Variants in NCKAP1 observed in about 807,000 individuals in gnomAD.
NCKAP1 encodes nck-associated protein 1.
A neutral mutation model predicts 151.2 loss-of-function variants in NCKAP1; 21 were observed. The observed-to-expected ratio is 0.14, with a 90% CI of 0.10 to 0.20. The LOEUF (loss-of-function observed/expected upper bound fraction) is 0.20. Among genes scored for constraint, NCKAP1 ranks in the 10% least tolerant of loss-of-function variants. NCKAP1 has a pLI of 1.00. For missense variants in NCKAP1, 933 were observed against 1,352.1 expected, an observed-to-expected ratio of 0.69 and a Z score of 4.86; for synonymous variants, 484 against 451.8, an observed-to-expected ratio of 1.07 and a Z score of -0.90.
intron 14 of NCKAP1, among the ~76,000 whole-genome samples, 166 bp downstream of exon 14, chr2:182,978,668 G>A (rs955456211): frequency 6.6e-6 from 1 of 151,788 alleles, no homozygotes; most frequent in African/African-American, 2.4e-5. Context: ...TATTATTTTT[G>A]TAAATAGCAT....
intron 20 of NCKAP1, among the ~76,000 whole-genome samples, chr2:182,953,986 C>A (rs1020983599): frequency 2.0e-5 from 3 of 152,124 alleles, no homozygotes; most frequent in Admixed American, 6.5e-5. Flanking sequence ...TTATTTGACA[C>A]TGTTAGGTGC....
intron 16 of NCKAP1, among the ~76,000 whole-genome samples, chr2:182,965,272 A>G (rs1697544296): frequency 2.5e-4 from 1 of 3,926 alleles, no homozygotes; most frequent in African/African-American, 9.7e-4. Flanking sequence ...TTTATGAACC[A>G]CTAAGAAAAA....
chr2:182,935,570 T>C, intron 24 of NCKAP1, 195 bp from the exon 25 acceptor site: 1 of 419,754 alleles, frequency 2.4e-6, no homozygotes, highest in East Asian at 4.1e-5. Context: ...GGTTAAACTT[T>C]TAAGTAACTA....
chr2:182,943,917 C>T (rs982286495), intron 23 of NCKAP1, among the ~76,000 whole-genome samples: 2 of 152,108 alleles, frequency 1.3e-5, no homozygotes, highest in Middle Eastern at 3.2e-3. Flanking sequence ...CTTTAAAATC[C>T]ATGTTCTTAA....
intron 15 of NCKAP1, among the ~76,000 whole-genome samples, chr2:182,969,061 C>T (rs1050212525): frequency 2.6e-5 from 4 of 152,200 alleles, no homozygotes; most frequent in African/African-American, 9.7e-5. Flanking sequence ...CATTTATCAG[C>T]TTTAGAGTAT....
At chr2:183,007,330 T>C (rs1698496018) in intron 2 of NCKAP1, among the ~76,000 whole-genome samples, 1 of 152,202 alleles carries the variant, frequency 6.6e-6, no homozygotes, top group African/African-American at 2.4e-5. Context: ...AGGATAAATA[T>C]CAGGCATGCT....
intron 1 of NCKAP1, among the ~76,000 whole-genome samples, chr2:183,033,928 T>C (rs895811443): frequency 1.3e-5 from 2 of 152,166 alleles, no homozygotes; most frequent in Non-Finnish European, 2.9e-5. Context: ...CTGGTAATCA[T>C]TAAAAAATTT....
intron 1 of NCKAP1, 102 bp from the exon 2 acceptor site, chr2:183,024,018 G>T: frequency 3.4e-6 from 3 of 889,470 alleles, no homozygotes; most frequent in Non-Finnish European, 5.3e-6. Context: ...TATTGTTTTT[G>T]GTGAGCAGGT....
intron 1 of NCKAP1, among the ~76,000 whole-genome samples, chr2:183,031,392 T>A (rs1432265055): frequency 6.6e-6 from 1 of 152,204 alleles, no homozygotes; most frequent in African/African-American, 2.4e-5. Flanking sequence ...GTATATATAT[T>A]GTCATACCTT....
At chr2:183,034,377 T>C (rs1699062616) in intron 1 of NCKAP1, among the ~76,000 whole-genome samples, 1 of 98,190 alleles carries the variant, frequency 1.0e-5, no homozygotes, top group Non-Finnish European at 2.5e-5. Context: ...GTAATAGTTG[T>C]ATGGGTTTTT....
At chr2:183,003,145 T>C (rs901841984) in intron 3 of NCKAP1, 88 bp downstream of exon 3, 12 of 1,256,486 alleles carry the variant, frequency 9.6e-6, no homozygotes, top group African/African-American at 3.1e-5. Flanking sequence ...TCAATTTTAT[T>C]ATTTACAACT....
intron 18 of NCKAP1, among the ~76,000 whole-genome samples, chr2:182,960,420 T>C (rs1366305866): frequency 6.6e-6 from 1 of 152,042 alleles, no homozygotes. Flanking sequence ...CCCTCAGAAA[T>C]AATGCCGCAT....
At chr2:182,975,054 C>A (rs912003773) in intron 15 of NCKAP1, among the ~76,000 whole-genome samples, 2 of 152,154 alleles carry the variant, frequency 1.3e-5, no homozygotes, top group African/African-American at 4.8e-5. Context: ...GGTTTAGGCA[C>A]TCCTATAAAC....
At chr2:182,990,906 A>T (rs1698155993) in intron 8 of NCKAP1, among the ~76,000 whole-genome samples, 1 of 152,170 alleles carries the variant, frequency 6.6e-6, no homozygotes, top group Admixed American at 6.5e-5. Context: ...ACTATACAAA[A>T]ATATTTTTCA....
In NCKAP1 at chr2:182,982,877, C is replaced by A; in HGVS notation, c.1152G>T (p.Trp384Cys). Reference sequence around the variant, plus strand: ...GCATGTTATCTGCATGACGAAGTAGCCAGATGATTTCATCACGGGCAAAGG... The same window carrying A: ...GCATGTTATCTGCATGACGAAGTAGACAGATGATTTCATCACGGGCAAAGG... ...ALSFARDEII[W>C]LLRHADNMPK... Residue 384 changes from tryptophan to cysteine, a missense_variant, in exon 12 of 31, where the codon TGG becomes TGT. Around this residue, in one of 2 missense-constraint regions of NCKAP1, gnomAD observed 607 missense variants for 795.0 expected, o/e 0.76. Coordinates refer to ENST00000361354, the MANE Select transcript of NCKAP1 (RefSeq NM_013436.5). The A allele has an allele frequency of 1.9e-6, 3 of 1,611,712 alleles. 1 individual carries two copies. The South Asian group carries it at 3.3e-5, about 18-fold the overall frequency.
At position 182,911,340 on chromosome 2, in the gene NCKAP1, C is replaced by G. The variant is rs1019657067; in HGVS notation, c.*14362G>C. On this transcript the variant is annotated 3_prime_UTR_variant, in exon 31 of 31. Transcript: ENST00000361354. ...CTGAAAATCCCACCCTTGGATCATGCTAACACCACTAAGCCTTACATAGTG... is the reference window on the plus strand; with the variant it reads ...CTGAAAATCCCACCCTTGGATCATGGTAACACCACTAAGCCTTACATAGTG... 1 of 152,154 alleles carries G rather than the reference C, an allele frequency of 6.6e-6. No homozygotes were observed. The highest frequency in any genetic ancestry group is 2.4e-5 in the African/African-American group (1 of 41,428). The allele number at this position is 152,154 out of a possible 1,614,324, so 9.4% of individuals were successfully genotyped here.
At chr2:182,968,585 G>A (rs1022472342) in intron 15 of NCKAP1, among the ~76,000 whole-genome samples, 1 of 152,100 alleles carries the variant, frequency 6.6e-6, no homozygotes, top group African/African-American at 2.4e-5. Context: ...TAAAATAGAG[G>A]GTTCCTCAAA....
intron 23 of NCKAP1, among the ~76,000 whole-genome samples, chr2:182,948,263 A>G (rs534282166): frequency 1.5e-4 from 23 of 152,262 alleles, no homozygotes; most frequent in Non-Finnish European, 3.4e-4. Context: ...GTTATTATGA[A>G]GGTAAAATGA....
chr2:182,942,128 T>C lies in NCKAP1; in HGVS notation c.2637A>G (p.Gln879=). 6.2e-7 allele frequency: 1 copy of C among 1,613,496 alleles called. No individual in the cohort carries two copies. Among genetic ancestry groups the C allele is most frequent in the Non-Finnish European group, 8.5e-7 (1 of 1,179,610 alleles). Residue 879 remains glutamine (Q), a synonymous_variant, in exon 24 of 31, where the codon CAA becomes CAG. Transcript: ENST00000361354. ...LVVENVDVLT[Q]MRTSFDKPDQ... The stretch of plus-strand genomic sequence containing the variant: ...CTGGTTTGTCAAAGCTGGTCCTCAT[T>C]TGTGTTAACACATCAACATTCTCCA...
Sources: allele counts gnomAD v4.1 joint callset (sites outside exome capture counted in the v4.1 genomes callset), GRCh38; gene constraint gnomAD v4.1.1; regional missense constraint gnomAD v4.1.1; transcripts MANE v1.5; gene names NCBI Gene and HGNC (gene_info 2026-07-23, HGNC 2026-07-21).